CAST: variants seen among roughly 807,000 people sequenced by gnomAD.
The protein encoded by CAST is MIR583 host.
CAST carries 76 observed loss-of-function variants against 119.6 expected under a neutral mutation model. The observed-to-expected ratio is 0.64, with a 90% CI of 0.53 to 0.77. The LOEUF is 0.77. Among genes scored for constraint, CAST ranks in the 30% least tolerant of loss-of-function variants. The probability of loss-of-function intolerance (pLI) is 0.00; values close to 1 mark genes in which losing one functional copy is unlikely to be tolerated. For missense variants in CAST, 953 were observed against 946.5 expected (o/e 1.01, Z -0.09); for synonymous variants, 319 against 331.6 (o/e 0.96, Z 0.41).
chr5:96,509,898 G>C, the CAST span, among the ~76,000 whole-genome samples: 7 of 152,158 alleles, frequency 4.6e-5, no homozygotes, highest in Non-Finnish European at 1.0e-4. Flanking sequence ...TGCTAACAAT[G>C]AACTTTGGTC....
chr5:96,279,299 C>A, the CAST span, among the ~76,000 whole-genome samples: 1 of 152,236 alleles, frequency 6.6e-6, no homozygotes, highest in East Asian at 1.9e-4. Context: ...CCCAGTCTTG[C>A]CAGGGAAATG....
chr5:96,105,258 G>A, the CAST span, among the ~76,000 whole-genome samples: 2 of 152,126 alleles, frequency 1.3e-5, no homozygotes, highest in East Asian at 1.9e-4. Context: ...CCTGACCAGA[G>A]CTTCCAACAC....
rs1256147577 is a variant in CAST, at chr5:96,765,223, G to A, written c.1935G>A (p.Gln645=). 1 of 1,582,080 alleles carries A rather than the reference G, an allele frequency of 6.3e-7. No homozygotes were observed. Among genetic ancestry groups the A allele is most frequent in the Non-Finnish European group, 8.7e-7 (1 of 1,155,826 alleles). The change falls in exon 26 of 32, where the codon CAG becomes CAA. Residue 645 remains glutamine (Q), a splice_region_variant and synonymous_variant. Coordinates refer to ENST00000675179, the MANE Select transcript of CAST (RefSeq NM_001750.7). ...QAGAPPRDTS[Q]SDKDLDDALD... Reference sequence around the variant, plus strand: ...ATTCAGCATTATTTACTTTTCAGCAGAGTGACAAAGACCTCGATGATGCCT... The same window carrying A: ...ATTCAGCATTATTTACTTTTCAGCAAAGTGACAAAGACCTCGATGATGCCT...
chr5:96,547,950 C>T (rs945652397), intron 1 of CAST, among the ~76,000 whole-genome samples: 1 of 150,966 alleles, frequency 6.6e-6, no homozygotes, highest in African/African-American at 2.4e-5. Flanking sequence ...TATGTCTATT[C>T]CAATCTACAT....
the CAST span, among the ~76,000 whole-genome samples, chr5:96,331,916 A>G: frequency 6.6e-6 from 1 of 152,214 alleles, no homozygotes; most frequent in African/African-American, 2.4e-5. Context: ...CATGGGCCAA[A>G]GTTTGTTTCT....
At chr5:95,982,165 A>G in the CAST span, among the ~76,000 whole-genome samples, 2 of 152,062 alleles carry the variant, frequency 1.3e-5, no homozygotes, top group Non-Finnish European at 2.9e-5. Context: ...ACAGTATAAT[A>G]TGTAATCGAA....
At chr5:96,422,254 C>T in the CAST span, among the ~76,000 whole-genome samples, 1 of 152,100 alleles carries the variant, frequency 6.6e-6, no homozygotes, top group East Asian at 1.9e-4. Context: ...TTACTTAGTT[C>T]AGTCATCTCA....
chr5:95,975,523 C>T, the CAST span, among the ~76,000 whole-genome samples: 3 of 152,092 alleles, frequency 2.0e-5, no homozygotes, highest in Non-Finnish European at 4.4e-5. Context: ...TTTAAATTAC[C>T]GTTCAACTGA....
the CAST span, chr5:96,416,166 A>C: frequency 1.5e-6 from 2 of 1,344,284 alleles, no homozygotes; most frequent in East Asian, 2.3e-5. Context: ...AGAAGAACAA[A>C]CATTTGTTTT....
rs114843401 is a variant in CAST at position 96,760,172 on chromosome 5, C to T, written c.1834-2102C>T. ...TAATCTTAAAATCTGACAAATATAA[C>T]GGTATCAGCTAAAGTTACTTAAATG... On this transcript the variant is annotated intron_variant, in intron 24 of 31. Transcript: ENST00000675179. 4.1e-3 allele frequency among the ~76,000 whole-genome samples: 630 copies of T among 151,900 alleles called. 2 individuals are homozygous for T. The highest frequency in any genetic ancestry group is 0.014 in the African/African-American group (590 of 41,476).
At chr5:96,026,594 T>G in the CAST span, among the ~76,000 whole-genome samples, 1 of 152,226 alleles carries the variant, frequency 6.6e-6, no homozygotes, top group African/African-American at 2.4e-5. Context: ...CCATGAAGTA[T>G]TGTAGATTTA....
the CAST span, chr5:96,213,752 T>C: frequency 1.3e-5 from 2 of 152,078 alleles, no homozygotes; most frequent in Non-Finnish European, 2.9e-5. Context: ...GATCATACCA[T>C]TGCACTCCAG....
At chr5:96,013,142 A>G in the CAST span, among the ~76,000 whole-genome samples, 59 of 152,254 alleles carry the variant, frequency 3.9e-4, no homozygotes, top group South Asian at 0.011. Flanking sequence ...ATGTATTTTT[A>G]AAACAGAAAA....
At chr5:96,194,752 C>T in the CAST span, among the ~76,000 whole-genome samples, 1 of 152,076 alleles carries the variant, frequency 6.6e-6, no homozygotes, top group East Asian at 1.9e-4. Flanking sequence ...CTCATTTCAC[C>T]ATGGACTGGT....
At chr5:96,252,686 T>C in the CAST span, among the ~76,000 whole-genome samples, 3 of 152,190 alleles carry the variant, frequency 2.0e-5, no homozygotes, top group Admixed American at 6.6e-5. Context: ...ATTATTTATA[T>C]ATGAAGTTGT....
chr5:96,455,319 A>T, the CAST span, among the ~76,000 whole-genome samples: 7 of 152,214 alleles, frequency 4.6e-5, no homozygotes, highest in African/African-American at 1.7e-4. Context: ...CTAAAAAATC[A>T]TTCATGTAAG....
At chr5:96,068,591 T>TTGTG in the CAST span, among the ~76,000 whole-genome samples, 3 of 120,284 alleles carry the variant, frequency 2.5e-5, no homozygotes, top group African/African-American at 6.8e-5. Flanking sequence ...ACCAATAGGA[T>TTGTG]TATGTGTGTG....
chr5:96,082,580 T>A, the CAST span, among the ~76,000 whole-genome samples: 1 of 152,248 alleles, frequency 6.6e-6, no homozygotes, highest in Admixed American at 6.5e-5. Flanking sequence ...TAACTTTATA[T>A]GTGTATCTTG....
the CAST span, among the ~76,000 whole-genome samples, chr5:96,004,565 T>C: frequency 6.6e-6 from 1 of 152,176 alleles, no homozygotes; most frequent in Non-Finnish European, 1.5e-5. Flanking sequence ...TAACTTCAAC[T>C]CAAGTGATCA....
Sources: gnomAD v4.1 joint callset for allele counts (sites outside exome capture counted in the v4.1 genomes callset) on GRCh38, gnomAD v4.1.1 for gene constraint, MANE v1.5 for transcripts, NCBI Gene and HGNC (gene_info 2026-07-23, HGNC 2026-07-21) for gene names.